Variants in PSD3 observed in about 807,000 individuals in gnomAD.
PSD3 encodes the protein PH and SEC7 domain-containing protein 3.
In PSD3, 49 loss-of-function variants were observed where a neutral mutation model predicts 105.5. The observed-to-expected ratio is 0.46, with a 90% CI of 0.37 to 0.59. The LOEUF (loss-of-function observed/expected upper bound fraction) is 0.59, where lower values mean the gene tolerates loss of function less well. Among genes scored for constraint, PSD3 ranks in the 20% least tolerant of loss-of-function variants. The pLI is 0.00. For synonymous variants in PSD3, 557 were observed against 457.8 expected (o/e 1.22, Z -2.77); for missense variants, 1,561 against 1,263.8 (o/e 1.24, Z -3.57).
chr8:18,938,415 A>G (rs1822299162), intron 1 of PSD3, among the ~76,000 whole-genome samples: 1 of 152,006 alleles, frequency 6.6e-6, no homozygotes, highest in Non-Finnish European at 1.5e-5. Context: ...TGAGGTCAGG[A>G]GTTCGAGACC....
chr8:18,740,465 G>C (rs1804478484), intron 9 of PSD3, among the ~76,000 whole-genome samples: 1 of 152,068 alleles, frequency 6.6e-6, no homozygotes, highest in African/African-American at 2.4e-5. Flanking sequence ...CACACCTTCA[G>C]TCCTGTTCTC....
At chr8:18,716,436 A>G (rs947863748) in intron 9 of PSD3, among the ~76,000 whole-genome samples, 3 of 152,202 alleles carry the variant, frequency 2.0e-5, no homozygotes, top group Non-Finnish European at 2.9e-5. Context: ...TGAGGAGCCA[A>G]TGAAAGGAAG....
chr8:18,785,599 G>A (rs1168455722), intron 8 of PSD3, among the ~76,000 whole-genome samples: 1 of 152,144 alleles, frequency 6.6e-6, no homozygotes, highest in South Asian at 2.1e-4. Context: ...CACCGGAATG[G>A]CACTTTTAAT....
chr8:18,655,359 T>C (rs1366596940), intron 10 of PSD3, among the ~76,000 whole-genome samples: 1 of 150,722 alleles, frequency 6.6e-6, no homozygotes, highest in Non-Finnish European at 1.5e-5. Flanking sequence ...TAAAAGACAA[T>C]TAATTACCTA....
intron 9 of PSD3, among the ~76,000 whole-genome samples, chr8:18,661,337 A>G (rs1809334464): frequency 1.3e-5 from 2 of 152,232 alleles, no homozygotes; most frequent in Admixed American, 6.5e-5. Context: ...GCTGGCTCTC[A>G]TGCAGATACT....
chr8:18,695,559 A>G (rs942751082), intron 9 of PSD3, among the ~76,000 whole-genome samples: 1 of 152,232 alleles, frequency 6.6e-6, no homozygotes, highest in African/African-American at 2.4e-5. Context: ...AACAATACAT[A>G]TAATATTTAC....
chr8:18,859,485 G>A (rs1383796239), intron 4 of PSD3, among the ~76,000 whole-genome samples: 1 of 152,130 alleles, frequency 6.6e-6, no homozygotes, highest in Non-Finnish European at 1.5e-5. Flanking sequence ...TTAAGAAAAG[G>A]CGATGCCTCG....
In PSD3 at chr8:18,857,292, A is replaced by C. The variant is rs1172259536; in HGVS notation, c.1634+10382T>G. 2.0e-5 allele frequency among the ~76,000 whole-genome samples: 3 copies of C among 152,120 alleles called. No homozygotes were observed. In the East Asian group the frequency reaches 5.8e-4, roughly 29 times the overall value. Reference sequence around the variant, plus strand: ...GCAGCTTCCAGTAAACGCTTCCCAAACTTCAACGTGATCATGGATCACCTG... The same window carrying C: ...GCAGCTTCCAGTAAACGCTTCCCAACCTTCAACGTGATCATGGATCACCTG... On this transcript the variant is annotated intron_variant, in intron 4 of 15. Coordinates refer to ENST00000327040, the MANE Select transcript of PSD3 (RefSeq NM_015310.4).
intron 2 of PSD3, among the ~76,000 whole-genome samples, chr8:18,906,246 A>G (rs111294728): frequency 3.9e-5 from 6 of 152,110 alleles, no homozygotes; most frequent in Non-Finnish European, 8.8e-5. Flanking sequence ...CAGATCCCCT[A>G]AAGTTAAGAA....
At chr8:18,691,782 T>C (rs1003316537) in intron 9 of PSD3, among the ~76,000 whole-genome samples, 1 of 152,126 alleles carries the variant, frequency 6.6e-6, no homozygotes, top group African/African-American at 2.4e-5. Context: ...TAGGAGGCAA[T>C]AAAATGATCA....
At chr8:18,685,911 G>C (rs1006826526) in intron 9 of PSD3, among the ~76,000 whole-genome samples, 2 of 152,144 alleles carry the variant, frequency 1.3e-5, no homozygotes, top group African/African-American at 4.8e-5. Flanking sequence ...GATAAAGACA[G>C]TGCACGGGCT....
At chr8:18,899,173 C>A (rs1440297961) in intron 2 of PSD3, among the ~76,000 whole-genome samples, 1 of 152,144 alleles carries the variant, frequency 6.6e-6, no homozygotes, top group Non-Finnish European at 1.5e-5. Context: ...TTTTGAAGCA[C>A]TCATCTCCAG....
At chr8:19,017,150 T>C (rs1173808491), upstream of PSD3, among the ~76,000 whole-genome samples, 1 of 147,304 alleles carries the variant, frequency 6.8e-6, no homozygotes, top group Non-Finnish European at 1.5e-5. Context: ...CCTCCCAGAC[T>C]CAAGTAATCC....
In PSD3 at chr8:18,865,255, TATATATATATATATATATATATA is replaced by T. The variant is rs1816782500; in HGVS notation, c.1634+2396_1634+2418del. On this transcript the variant is annotated intron_variant, in intron 4 of 15. Transcript: ENST00000327040. The stretch of plus-strand genomic sequence containing the variant: ...ATATATATATATATATATATATATA[TATATATATATATATATATATATA>T]TATATATATTTTTTTTTTTTTTTTT... 6 of 3,838 alleles carry T rather than the reference TATATATATATATATATATATATA, an allele frequency of 1.6e-3. 1 individual carries two copies. The highest frequency in any genetic ancestry group is 2.9e-3 in the African/African-American group (3 of 1,032). 0.2% of individuals were successfully genotyped at this position (3,838 alleles called of 1,614,324 possible). A position where few individuals can be genotyped will look rare whatever the true frequency, so the allele number is the denominator to read the frequency against.
intron 4 of PSD3, among the ~76,000 whole-genome samples, chr8:18,866,869 C>A (rs1193470118): frequency 6.7e-6 from 1 of 149,406 alleles, no homozygotes; most frequent in Non-Finnish European, 1.5e-5. Context: ...CACCTCCCAC[C>A]AGCTCCACAC....
At chr8:18,616,814 G>C (rs1002620047) in intron 11 of PSD3, among the ~76,000 whole-genome samples, 1 of 150,998 alleles carries the variant, frequency 6.6e-6, no homozygotes, top group African/African-American at 2.4e-5. Flanking sequence ...TAGTAGAGAC[G>C]GGGTTTCACC....
chr8:18,775,118 G>A (rs188041590), intron 8 of PSD3, among the ~76,000 whole-genome samples: 7 of 152,034 alleles, frequency 4.6e-5, no homozygotes, highest in Admixed American at 2.0e-4. Flanking sequence ...GGTATTTGTC[G>A]CTCTGTGCCA....
intron 9 of PSD3, among the ~76,000 whole-genome samples, chr8:18,715,968 A>T (rs538077447): frequency 3.7e-4 from 56 of 152,230 alleles, no homozygotes; most frequent in Non-Finnish European, 7.2e-4. Context: ...ACAAAGGAAT[A>T]AGCAAATACA....
intron 11 of PSD3, among the ~76,000 whole-genome samples, chr8:18,612,591 T>C (rs1805347205): frequency 6.6e-6 from 1 of 152,076 alleles, no homozygotes; most frequent in African/African-American, 2.4e-5. Flanking sequence ...AGGATGGTCT[T>C]GATCTCCTGA....
Sources: allele counts gnomAD v4.1 joint callset (sites outside exome capture counted in the v4.1 genomes callset), GRCh38; gene constraint gnomAD v4.1.1; transcripts MANE v1.5; gene names NCBI Gene and HGNC (gene_info 2026-07-23, HGNC 2026-07-21).